The following LDB2 variants were observed in gnomAD, a reference collection of about 807,000 sequenced individuals.
LDB2 encodes LIM domain-binding protein 2.
Under a neutral mutation model 44.3 loss-of-function variants are expected in LDB2, and 12 were observed. The observed-to-expected ratio is 0.27, with a 90% CI of 0.17 to 0.44. The LOEUF (loss-of-function observed/expected upper bound fraction) is 0.44. LDB2 is among the 20% of genes least tolerant of loss of function. The pLI, the probability that LDB2 is intolerant of heterozygous loss-of-function variation, is 1.00. For missense variants in LDB2, 344 were observed against 473.5 expected, an observed-to-expected ratio of 0.73 and a Z score of 2.54; for synonymous variants, 164 against 174.8, an observed-to-expected ratio of 0.94 and a Z score of 0.49.
At chr4:16,699,225 C>G (rs904174178) in intron 2 of LDB2, among the ~76,000 whole-genome samples, 11 of 152,180 alleles carry the variant, frequency 7.2e-5, no homozygotes, top group Non-Finnish European at 1.5e-4. Context: ...AAATTGTCTC[C>G]TAGTGTTTTC....
chr4:16,860,120 T>C (rs1054426691), intron 1 of LDB2, among the ~76,000 whole-genome samples: 3 of 152,170 alleles, frequency 2.0e-5, no homozygotes, highest in Admixed American at 6.5e-5. Context: ...AGTATCTTCC[T>C]AACTATGGAT....
chr4:16,617,006 T>G (rs1444534611), intron 2 of LDB2, among the ~76,000 whole-genome samples: 2 of 152,154 alleles, frequency 1.3e-5, no homozygotes, highest in Non-Finnish European at 2.9e-5. Flanking sequence ...CTCCTCCCCT[T>G]TCCTCTCCCC....
intron 2 of LDB2, among the ~76,000 whole-genome samples, chr4:16,711,112 A>G (rs530942943): frequency 6.6e-6 from 1 of 152,372 alleles, no homozygotes; most frequent in South Asian, 2.1e-4. Context: ...AGGGGGATGG[A>G]TAATCATGTA....
At chr4:16,850,384 A>G (rs953945510) in intron 1 of LDB2, among the ~76,000 whole-genome samples, 1 of 152,202 alleles carries the variant, frequency 6.6e-6, no homozygotes, top group Non-Finnish European at 1.5e-5. Flanking sequence ...AAAAAATTTG[A>G]TGGTTATATC....
At chr4:16,595,109 A>G (rs914512817) in intron 3 of LDB2, among the ~76,000 whole-genome samples, 3 of 152,138 alleles carry the variant, frequency 2.0e-5, no homozygotes, top group African/African-American at 7.2e-5. Flanking sequence ...CACAGCCTTC[A>G]TGGGGCTTTG....
rs781548489 is a variant in LDB2 at position 16,588,788 on chromosome 4, A to G, written c.453T>C (p.Asp151=). 1 of 1,613,784 alleles carries G rather than the reference A, an allele frequency of 6.2e-7. No individual in the cohort carries two copies. Among genetic ancestry groups the G allele is most frequent in the Admixed American group, 1.7e-5 (1 of 60,024 alleles). Residue 151 remains aspartate (D), a synonymous_variant, in exon 4 of 8, where the codon GAT becomes GAC. Coordinates refer to ENST00000304523, the MANE Select transcript of LDB2 (RefSeq NM_001290.5). The stretch of plus-strand genomic sequence containing the variant: ...AGTGCCATGTTTTGATTCTCATGAG[A>G]TCATCAAAGGTGAACTCCAAGATCA... ...GRLILEFTFD[D]LMRIKTWHFT...
chr4:16,806,165 C>T (rs1381589052), intron 1 of LDB2, among the ~76,000 whole-genome samples: 1 of 152,174 alleles, frequency 6.6e-6, no homozygotes, highest in Non-Finnish European at 1.5e-5. Context: ...CAACTGATGG[C>T]CATGACTTGA....
At chr4:16,633,481 G>C (rs1732632585) in intron 2 of LDB2, among the ~76,000 whole-genome samples, 2 of 152,018 alleles carry the variant, frequency 1.3e-5, no homozygotes, top group South Asian at 2.1e-4. Flanking sequence ...CAGACAAACA[G>C]AGCCAAATCA....
At chr4:16,611,448 T>C (rs1252456739) in intron 2 of LDB2, among the ~76,000 whole-genome samples, 2 of 151,748 alleles carry the variant, frequency 1.3e-5, no homozygotes, top group African/African-American at 4.8e-5. Flanking sequence ...GACCAATTAG[T>C]GCGCTGTATT....
intron 3 of LDB2, among the ~76,000 whole-genome samples, chr4:16,595,079 A>G (rs184699220): frequency 6.6e-6 from 1 of 152,152 alleles, no homozygotes; most frequent in Admixed American, 6.6e-5. Context: ...TTAAATCTCC[A>G]TCTCTTCTAT....
chr4:16,837,797 C>T (rs158260), intron 1 of LDB2, among the ~76,000 whole-genome samples: 96,504 of 152,068 alleles, frequency 0.63, 30,727 homozygotes, highest in Middle Eastern at 0.73. Flanking sequence ...GTACTACAAA[C>T]AAATAAAATG....
At chr4:16,649,208 A>C (rs1431991297) in intron 2 of LDB2, among the ~76,000 whole-genome samples, 1 of 152,182 alleles carries the variant, frequency 6.6e-6, no homozygotes, top group Non-Finnish European at 1.5e-5. Context: ...CTTTCAGGGT[A>C]AGCTGAAGTA....
At chr4:16,789,845 T>C (rs1220870233) in intron 1 of LDB2, among the ~76,000 whole-genome samples, 1 of 152,124 alleles carries the variant, frequency 6.6e-6, no homozygotes, top group African/African-American at 2.4e-5. Flanking sequence ...GGCAGGAGAA[T>C]CACTTGAACC....
chr4:16,591,885 T>A (rs1268945083), intron 3 of LDB2, among the ~76,000 whole-genome samples: 1 of 149,254 alleles, frequency 6.7e-6, no homozygotes, highest in Non-Finnish European at 1.5e-5. Flanking sequence ...TTTTTTTTTT[T>A]AAAGCTGCCT....
intron 2 of LDB2, among the ~76,000 whole-genome samples, chr4:16,610,213 C>G (rs540377972): frequency 9.9e-5 from 15 of 152,126 alleles, no homozygotes; most frequent in African/African-American, 3.4e-4. Context: ...CAAGGGTCAG[C>G]AGCCTCAAAG....
chr4:16,527,724 A>G (rs1728720906), intron 5 of LDB2, among the ~76,000 whole-genome samples: 1 of 152,164 alleles, frequency 6.6e-6, no homozygotes, highest in African/African-American at 2.4e-5. Flanking sequence ...CAAACCCAAA[A>G]AGCAGAAATG....
chr4:16,527,488 A>C (rs911124620), intron 5 of LDB2, among the ~76,000 whole-genome samples: 4 of 152,254 alleles, frequency 2.6e-5, no homozygotes, highest in Non-Finnish European at 4.4e-5. Context: ...GTGGGAATGT[A>C]AACTAGTAAA....
chr4:16,744,618 G>C (rs1026079085), intron 2 of LDB2, among the ~76,000 whole-genome samples: 1 of 152,070 alleles, frequency 6.6e-6, no homozygotes, highest in Non-Finnish European at 1.5e-5. Flanking sequence ...GGGACTACAG[G>C]TGCCCGCCAC....
rs548036583 is a variant in LDB2 at position 16,536,021 on chromosome 4, A to G, written c.616-23917T>C. Among the ~76,000 whole-genome samples, 245 of 152,336 alleles carry G rather than the reference A, an allele frequency of 1.6e-3. 1 individual carries two copies. Among genetic ancestry groups the G allele is most frequent in the African/African-American group, 5.5e-3 (227 of 41,588 alleles). The stretch of plus-strand genomic sequence containing the variant: ...TATTTGCCAAAGTAGATGAAGCTGC[A>G]TAGCACAAAAACCCAATCCCAACTA... On this transcript the variant is annotated intron_variant, in intron 5 of 7. Transcript: ENST00000304523.
Sources: gnomAD v4.1 joint callset for allele counts (sites outside exome capture counted in the v4.1 genomes callset) on GRCh38, gnomAD v4.1.1 for gene constraint, MANE v1.5 for transcripts, NCBI Gene and HGNC (gene_info 2026-07-23, HGNC 2026-07-21) for gene names.